The following GPR158 variants were observed in gnomAD, a reference collection of about 807,000 sequenced individuals.
GPR158 encodes the protein metabotropic glycine receptor.
GPR158 carries 30 observed loss-of-function variants against 78.2 expected under a neutral mutation model. That is an observed-to-expected ratio of 0.38 (90% CI 0.29 to 0.52). GPR158 has a LOEUF of 0.52. Among genes scored for constraint, GPR158 ranks in the 20% least tolerant of loss-of-function variants. The pLI, the probability that GPR158 is intolerant of heterozygous loss-of-function variation, is 0.83. For synonymous variants in GPR158, 581 were observed against 591.1 expected, an observed-to-expected ratio of 0.98 and a Z score of 0.25; for missense variants, 1,463 against 1,523.5, an observed-to-expected ratio of 0.96 and a Z score of 0.66.
At chr10:25,291,532 A>G (rs1372506586) in intron 2 of GPR158, among the ~76,000 whole-genome samples, 1 of 152,094 alleles carries the variant, frequency 6.6e-6, no homozygotes, top group African/African-American at 2.4e-5. Flanking sequence ...TTCTTGTAAC[A>G]CATATTTTAA....
chr10:25,440,462 T>A (rs1835053458), intron 4 of GPR158, among the ~76,000 whole-genome samples: 2 of 152,322 alleles, frequency 1.3e-5, no homozygotes, highest in South Asian at 4.1e-4. Context: ...CAATTTTCCA[T>A]AATAGCACCC....
chr10:25,213,550 T>C (rs941705738), intron 1 of GPR158, among the ~76,000 whole-genome samples: 1 of 152,142 alleles, frequency 6.6e-6, no homozygotes, highest in African/African-American at 2.4e-5. Flanking sequence ...TAAATCTACA[T>C]GCATAGTTAA....
chr10:25,598,349 G>T lies in GPR158; in HGVS notation c.2723G>T (p.Ser908Ile). The T allele has an allele frequency of 6.2e-7, 1 of 1,614,082 alleles. No homozygotes were observed. Among genetic ancestry groups the T allele is most frequent in the Non-Finnish European group, 8.5e-7 (1 of 1,179,990 alleles). Residue 908 changes from serine (S) to isoleucine (I), a missense_variant, in exon 11 of 11, where the codon AGC becomes ATC. Coordinates refer to ENST00000376351, the MANE Select transcript of GPR158 (RefSeq NM_020752.3). ...CAGAAGTCTCTCAGTGTCATAGCAAGCGCCAAGGAGAAGACTCTTGGATTA... is the reference window on the plus strand; with the variant it reads ...CAGAAGTCTCTCAGTGTCATAGCAATCGCCAAGGAGAAGACTCTTGGATTA... The part of the protein sequence containing the change: ...MLQKSLSVIA[S>I]AKEKTLGLAG...
At chr10:25,362,180 C>A (rs562530288) in intron 2 of GPR158, among the ~76,000 whole-genome samples, 36 of 151,892 alleles carry the variant, frequency 2.4e-4, no homozygotes, top group Admixed American at 1.4e-3. Context: ...ATTTGGATAT[C>A]CAGATTATTT....
chr10:25,452,233 A>G (rs1835230107), intron 4 of GPR158, among the ~76,000 whole-genome samples: 2 of 151,852 alleles, frequency 1.3e-5, no homozygotes, highest in South Asian at 2.1e-4. Flanking sequence ...TATGGTAGCA[A>G]TGAGGTCCCA....
In GPR158 at chr10:25,526,103, T is replaced by TAA. The variant is rs4017850; in HGVS notation, c.1405-24846_1405-24845dup. 2.2e-3 allele frequency among the ~76,000 whole-genome samples: 150 copies of TAA among 69,194 alleles called. 4 individuals carry two copies. The highest frequency in any genetic ancestry group is 5.6e-3 in the African/African-American group (114 of 20,530). 45.4% of individuals were successfully genotyped at this position (69,194 alleles called of 152,430 possible). Reference sequence around the variant, plus strand: ...GCCTGGGCGACAGTCCAATTTTGTCTAAAAAAAAAAAAAAAAAAAAAAAAA... The same window carrying TAA: ...GCCTGGGCGACAGTCCAATTTTGTCTAAAAAAAAAAAAAAAAAAAAAAAAAAA... On this transcript the variant is annotated intron_variant, in intron 5 of 10. Coordinates refer to ENST00000376351, the MANE Select transcript of GPR158 (RefSeq NM_020752.3).
At chr10:25,355,586 G>A (rs34052500) in intron 2 of GPR158, among the ~76,000 whole-genome samples, 15,147 of 152,022 alleles carry the variant, frequency 0.1, 1,864 homozygotes, top group African/African-American at 0.3. Context: ...ATGTACGTCT[G>A]TGACTTTGCA....
intron 2 of GPR158, among the ~76,000 whole-genome samples, chr10:25,340,434 A>C (rs1460025506): frequency 1.3e-5 from 2 of 152,144 alleles, no homozygotes; most frequent in African/African-American, 4.8e-5. Flanking sequence ...TATGTTAAAC[A>C]GAAACATTCC....
intron 4 of GPR158, among the ~76,000 whole-genome samples, chr10:25,465,837 C>A (rs118104721): frequency 6.6e-6 from 1 of 152,272 alleles, no homozygotes; most frequent in Non-Finnish European, 1.5e-5. Flanking sequence ...CAGGCAAGAT[C>A]TCGTTTGTAA....
chr10:25,249,768 A>T (rs1282700326), intron 2 of GPR158, among the ~76,000 whole-genome samples: 1 of 152,108 alleles, frequency 6.6e-6, no homozygotes, highest in Non-Finnish European at 1.5e-5. Flanking sequence ...TTGGCCTAAA[A>T]TTCTCTTTTT....
chr10:25,520,656 G>C (rs998785911), intron 5 of GPR158, among the ~76,000 whole-genome samples: 11 of 151,696 alleles, frequency 7.3e-5, no homozygotes, highest in Non-Finnish European at 1.3e-4. Context: ...GTGTGCCCCT[G>C]CTGGGGGGTG....
At chr10:25,558,940 G>A (rs1836824311) in intron 6 of GPR158, among the ~76,000 whole-genome samples, 1 of 152,132 alleles carries the variant, frequency 6.6e-6, no homozygotes, top group South Asian at 2.1e-4. Flanking sequence ...TGTTCCATGG[G>A]CACTTGAGAA....
chr10:25,540,941 T>TA (rs1186802503), intron 5 of GPR158, among the ~76,000 whole-genome samples: 1 of 63,686 alleles, frequency 1.6e-5, no homozygotes, highest in African/African-American at 6.2e-5. Flanking sequence ...TAAAGTATAA[T>TA]AAAAATATAT....
chr10:25,312,836 T>C (rs1325870128), intron 2 of GPR158, among the ~76,000 whole-genome samples: 1 of 152,150 alleles, frequency 6.6e-6, no homozygotes, highest in East Asian at 1.9e-4. Flanking sequence ...AAGAATACAA[T>C]CGTTATTAAT....
intron 2 of GPR158, among the ~76,000 whole-genome samples, chr10:25,389,020 G>A (rs1834258178): frequency 6.6e-6 from 1 of 152,242 alleles, no homozygotes; most frequent in Non-Finnish European, 1.5e-5. Flanking sequence ...ATGGGAGGGA[G>A]GCCCAGTGGG....
chr10:25,270,390 T>C (rs561595652), intron 2 of GPR158, among the ~76,000 whole-genome samples: 1 of 152,138 alleles, frequency 6.6e-6, no homozygotes, highest in South Asian at 2.1e-4. Flanking sequence ...ATAGTTGAAA[T>C]TGTCTGTAAA....
chr10:25,551,863 G>C (rs558754698), intron 6 of GPR158, among the ~76,000 whole-genome samples: 15 of 152,236 alleles, frequency 9.9e-5, no homozygotes, highest in African/African-American at 2.4e-4. Context: ...AAAACCCTTT[G>C]TACTGATCAG....
chr10:25,461,560 C>A (rs1358703882), intron 4 of GPR158, among the ~76,000 whole-genome samples: 1 of 152,090 alleles, frequency 6.6e-6, no homozygotes, highest in Non-Finnish European at 1.5e-5. Flanking sequence ...GGAAAGCAGC[C>A]ATCTCTATAA....
chr10:25,373,794 C>G (rs147468091), intron 2 of GPR158, among the ~76,000 whole-genome samples: 5 of 151,772 alleles, frequency 3.3e-5, no homozygotes, highest in African/African-American at 1.2e-4. Context: ...AGGGAACATA[C>G]TCTCTATTGT....
Sources: gnomAD v4.1 joint callset for allele counts (sites outside exome capture counted in the v4.1 genomes callset) on GRCh38, gnomAD v4.1.1 for gene constraint, MANE v1.5 for transcripts, NCBI Gene and HGNC (gene_info 2026-07-23, HGNC 2026-07-21) for gene names.